Variants in RGS6 observed in about 807,000 individuals in gnomAD.
RGS6 encodes the protein regulator of G protein signaling 6, also known as regulator of G-protein signaling 6.
RGS6 carries 30 observed loss-of-function variants against 78.5 expected under a neutral mutation model. The observed-to-expected ratio is 0.38, with a 90% CI of 0.29 to 0.52. The LOEUF (loss-of-function observed/expected upper bound fraction) is 0.52, where lower values mean the gene tolerates loss of function less well. RGS6 is among the 20% of genes least tolerant of loss of function. The probability of loss-of-function intolerance (pLI) is 0.85; values close to 1 mark genes in which losing one functional copy is unlikely to be tolerated. For synonymous variants in RGS6, 206 were observed against 206.0 expected, an observed-to-expected ratio of 1.00 and a Z score of 0.00; for missense variants, 495 against 609.7, an observed-to-expected ratio of 0.81 and a Z score of 1.98.
At chr14:72,537,502 G>T in intron 16 of RGS6, 1 of 702,346 alleles carries the variant, frequency 1.4e-6, no homozygotes, top group Non-Finnish European at 2.6e-6. Context: ...TGGGTTTCCT[G>T]CATCCCTCCC....
chr14:72,124,622 T>C (rs1308924198), intron 2 of RGS6, among the ~76,000 whole-genome samples: 1 of 152,218 alleles, frequency 6.6e-6, no homozygotes, highest in Admixed American at 6.5e-5. Context: ...CAATCTAGAT[T>C]CTTTAAAATA....
intron 14 of RGS6, 91 bp downstream of exon 14, chr14:72,510,370 G>A (rs764306932): frequency 2.1e-5 from 31 of 1,508,428 alleles, no homozygotes; most frequent in African/African-American, 1.1e-4. Flanking sequence ...TCAATGAAAC[G>A]TTATCAGGGT....
the RGS6 span, among the ~76,000 whole-genome samples, chr14:71,914,380 G>C: frequency 4.0e-3 from 611 of 152,236 alleles, 7 homozygotes; most frequent in African/African-American, 0.014. Flanking sequence ...GAATAAATTT[G>C]GGGAACCTAC....
chr14:72,314,307 T>A (rs1425178458), intron 2 of RGS6, among the ~76,000 whole-genome samples: 1 of 152,152 alleles, frequency 6.6e-6, no homozygotes, highest in East Asian at 1.9e-4. Context: ...TTTTCCCTCA[T>A]AATCACAAGA....
chr14:72,409,199 A>G (rs753693238), intron 3 of RGS6, among the ~76,000 whole-genome samples: 68 of 152,336 alleles, frequency 4.5e-4, no homozygotes, highest in Admixed American at 5.2e-4. Context: ...CACTGGACAC[A>G]ATACTTTTAA....
At chr14:72,013,555 A>G (rs2086312720) in intron 2 of RGS6, among the ~76,000 whole-genome samples, 1 of 152,332 alleles carries the variant, frequency 6.6e-6, no homozygotes, top group East Asian at 1.9e-4. Context: ...TCGTTTGTGA[A>G]CAATGTAGTT....
At chr14:72,546,059 T>A (rs1016891029) in intron 17 of RGS6, among the ~76,000 whole-genome samples, 1 of 152,138 alleles carries the variant, frequency 6.6e-6, no homozygotes, top group African/African-American at 2.4e-5. Context: ...CTCAGCACAC[T>A]CTGCTGCTCA....
intron 2 of RGS6, among the ~76,000 whole-genome samples, chr14:72,185,101 A>C (rs180949939): frequency 1.3e-5 from 2 of 152,286 alleles, no homozygotes; most frequent in East Asian, 3.9e-4. Flanking sequence ...TCTGATGTTC[A>C]AGGGCAGGAA....
rs1284100028 is a variant in RGS6 at position 72,565,650 on chromosome 14, A to C, written c.*3183A>C. ...CTTGCGACTCTGAGTTGCAGCTTGG[A>C]CTAGCTGAACACATGGGGACATGCT... On this transcript the variant is annotated 3_prime_UTR_variant, in exon 18 of 18. Transcript: ENST00000553525. 1 of 152,198 alleles carries C rather than the reference A, an allele frequency of 6.6e-6. No individual in the cohort carries two copies. The highest frequency in any genetic ancestry group is 1.9e-4 in the East Asian group (1 of 5,186). 9.4% of individuals were successfully genotyped at this position (152,198 alleles called of 1,614,324 possible).
rs529516680 is a variant in RGS6 at position 71,995,881 on chromosome 14, T to C, written c.84+31006T>C. ...TTCAGGGCTGGCCTACCAAGGAGTT[T>C]GGACAAAGCTCCCGGGATCTCACTT... On this transcript the variant is annotated intron_variant, in intron 2 of 17. Coordinates refer to ENST00000553525, the MANE Select transcript of RGS6 (RefSeq NM_001204424.2). Among the ~76,000 whole-genome samples the C allele has an allele frequency of 9.8e-5, 15 of 152,306 alleles. 1 individual carries two copies. In the East Asian group the frequency reaches 2.9e-3, roughly 29 times the overall value.
chr14:72,357,578 A>G (rs1220355061), intron 3 of RGS6, among the ~76,000 whole-genome samples: 2 of 152,238 alleles, frequency 1.3e-5, no homozygotes, highest in Non-Finnish European at 2.9e-5. Flanking sequence ...TAGCAAAGTC[A>G]GGTGGCATTT....
chr14:72,036,742 G>T (rs568349236), intron 2 of RGS6, among the ~76,000 whole-genome samples: 43 of 152,134 alleles, frequency 2.8e-4, no homozygotes, highest in Non-Finnish European at 5.4e-4. Context: ...CTGGATATGT[G>T]ATCTGTAAAT....
At chr14:72,396,805 C>T (rs954038942) in intron 3 of RGS6, among the ~76,000 whole-genome samples, 2 of 152,170 alleles carry the variant, frequency 1.3e-5, no homozygotes, top group African/African-American at 2.4e-5. Context: ...ATAGGGAATC[C>T]TTTCCCCATT....
At chr14:72,502,827 GA>G (rs1159590802) in intron 13 of RGS6, among the ~76,000 whole-genome samples, 1 of 152,140 alleles carries the variant, frequency 6.6e-6, no homozygotes. Flanking sequence ...GAGTATTCAG[GA>G]CCCTCAGGTT....
chr14:72,100,106 G>A (rs1220550032), intron 2 of RGS6, among the ~76,000 whole-genome samples: 2 of 152,178 alleles, frequency 1.3e-5, no homozygotes, highest in African/African-American at 4.8e-5. Flanking sequence ...GGACGGTGAA[G>A]AGAGGGGTAG....
At chr14:72,617,231 G>T in the RGS6 span, among the ~76,000 whole-genome samples, 1 of 152,228 alleles carries the variant, frequency 6.6e-6, no homozygotes, top group Non-Finnish European at 1.5e-5. Flanking sequence ...TTGGGGTTTC[G>T]GACTTGCTTT....
chr14:72,183,906 C>T (rs1259522172), intron 2 of RGS6, among the ~76,000 whole-genome samples: 1 of 152,066 alleles, frequency 6.6e-6, no homozygotes, highest in African/African-American at 2.4e-5. Context: ...GTTGGCTCAA[C>T]TCAGGGTAAA....
intron 2 of RGS6, among the ~76,000 whole-genome samples, chr14:72,332,937 C>CG (rs147821038): frequency 0.011 from 1,684 of 152,320 alleles, 26 homozygotes; most frequent in African/African-American, 0.039. Flanking sequence ...CAGAGGCACA[C>CG]GGGTGCAGCG....
chr14:72,544,523 C>T (rs1856294517), intron 17 of RGS6, among the ~76,000 whole-genome samples: 1 of 152,164 alleles, frequency 6.6e-6, no homozygotes, highest in Non-Finnish European at 1.5e-5. Flanking sequence ...GAGAGGAGGA[C>T]CAGGCGTTCA....
Sources: gnomAD v4.1 joint callset for allele counts (sites outside exome capture counted in the v4.1 genomes callset) on GRCh38, gnomAD v4.1.1 for gene constraint, MANE v1.5 for transcripts, NCBI Gene and HGNC (gene_info 2026-07-23, HGNC 2026-07-21) for gene names.